Variants in PCDHGA2 observed in about 807,000 individuals in gnomAD.
PCDHGA2 encodes protocadherin gamma-A2.
PCDHGA2 carries 40 observed loss-of-function variants against 59.2 expected under a neutral mutation model. That is an observed-to-expected ratio of 0.68 (90% confidence interval 0.52 to 0.88). PCDHGA2 has a LOEUF of 0.88. Ranked by LOEUF, PCDHGA2 falls within the 40% of genes least tolerant of loss-of-function variation. The pLI, the probability that PCDHGA2 is intolerant of heterozygous loss-of-function variation, is 0.00. For missense variants in PCDHGA2, 1,226 were observed against 1,204.0 expected, an observed-to-expected ratio of 1.02 and a Z score of -0.27; for synonymous variants, 560 against 526.0, an observed-to-expected ratio of 1.06 and a Z score of -0.89.
In PCDHGA2 at chr5:141,432,654, T is replaced by C. The variant is rs2097525297; in HGVS notation, c.2425-62153T>C. ...GGCGAGGTGCGCACGGCGCGAGCCC[T>C]GCTGGACAGAGACGCGCTCAAGCAG... is the stretch of plus-strand genomic sequence containing the variant. On this transcript the variant is annotated intron_variant, in intron 1 of 3. Transcript: ENST00000394576. This position sits in a 1 kb window ranked among gnomAD's most constrained non-coding sequence, Gnocchi z 6.0. The C allele has an allele frequency of 1.2e-6, 2 of 1,613,816 alleles. No homozygotes were observed. Among genetic ancestry groups the C allele is most frequent in the African/African-American group, 1.3e-5 (1 of 75,034 alleles).
At chr5:141,415,081 C>T in intron 1 of PCDHGA2, 1 of 1,613,522 alleles carries the variant, frequency 6.2e-7, no homozygotes, top group Non-Finnish European at 8.5e-7. Context: ...GGCGCGAGCC[C>T]TGCTGGACAG....
At chr5:141,427,960 G>C (rs759698390) in intron 1 of PCDHGA2, 7 of 1,589,168 alleles carry the variant, frequency 4.4e-6, no homozygotes, top group South Asian at 1.1e-5. Flanking sequence ...AATGTGCCGC[G>C]GGTGCTGTAC....
Position 141,489,119 on chromosome 5 carries a change from C to T in PCDHGA2, c.2425-5688C>T, listed in dbSNP as rs1236074950. The T allele has an allele frequency of 2.0e-5, 13 of 650,240 alleles. No individual in the cohort carries two copies. Among genetic ancestry groups the T allele is most frequent in the African/African-American group, 9.1e-5 (5 of 55,178 alleles). 40.3% of individuals were successfully genotyped at this position (650,240 alleles called of 1,614,324 possible). ...GAACTGCTGCAAGCAGGCAAACCTC[C>T]GAGCAGTTTTTAAGAGGCTGGAAGG... On this transcript the variant is annotated intron_variant, in intron 1 of 3. Coordinates refer to ENST00000394576, the MANE Select transcript of PCDHGA2 (RefSeq NM_018915.4). This position sits in a 1 kb window ranked among gnomAD's most constrained non-coding sequence, Gnocchi z 4.5.
At chr5:141,343,317 G>A in intron 1 of PCDHGA2, 1 of 978,166 alleles carries the variant, frequency 1.0e-6, no homozygotes, top group Non-Finnish European at 1.2e-6. Context: ...ATTTCTGTGT[G>A]TTTCTTTTCT....
intron 1 of PCDHGA2, chr5:141,360,088 C>G (rs1443293202): frequency 6.7e-7 from 1 of 1,503,738 alleles, no homozygotes; most frequent in Non-Finnish European, 8.9e-7. Context: ...CTGCCATCCC[C>G]GGAAGGCTTA....
In PCDHGA2 at chr5:141,384,908, A is replaced by C. The variant is rs868472813; in HGVS notation, c.2424+43513A>C. 24 of 1,613,860 alleles carry C rather than the reference A, an allele frequency of 1.5e-5. 1 individual carries two copies. The highest frequency in any genetic ancestry group is 9.9e-5 in the South Asian group (9 of 91,086). ...GTGGCTGTGGCTGACAGCATCCCCG[A>C]AGTCTTGGCCGACCTGGGCAGCCTT... On this transcript the variant is annotated intron_variant, in intron 1 of 3. Coordinates refer to ENST00000394576, the MANE Select transcript of PCDHGA2 (RefSeq NM_018915.4).
chr5:141,478,336 C>T, intron 1 of PCDHGA2: 2 of 1,613,950 alleles, frequency 1.2e-6, no homozygotes, highest in South Asian at 2.2e-5. Context: ...CACCAGGGCC[C>T]TCCTTGCACG....
intron 1 of PCDHGA2, among the ~76,000 whole-genome samples, chr5:141,488,394 A>C (rs2099674951): frequency 1.3e-5 from 2 of 152,232 alleles, no homozygotes. Flanking sequence ...TGGTGAAACC[A>C]TGAAACCTAG....
At chr5:141,433,849 A>AC (rs1304649814) in intron 1 of PCDHGA2, among the ~76,000 whole-genome samples, 10 of 152,030 alleles carry the variant, frequency 6.6e-5, no homozygotes, top group Admixed American at 1.3e-4. Flanking sequence ...AAAAAAAAAA[A>AC]AAAAAACTTT....
intron 1 of PCDHGA2, among the ~76,000 whole-genome samples, chr5:141,481,049 C>A (rs1165894624): frequency 1.3e-5 from 2 of 152,096 alleles, no homozygotes; most frequent in Non-Finnish European, 2.9e-5. Context: ...CAGAGCGAGA[C>A]TCCACCTCAA....
chr5:141,430,017 CTTG>C (rs1203011013), intron 1 of PCDHGA2, among the ~76,000 whole-genome samples: 6 of 152,096 alleles, frequency 3.9e-5, no homozygotes, highest in African/African-American at 1.2e-4. Context: ...CACTTGGGTT[CTTG>C]TTAAGTGTGA....
At chr5:141,464,228 G>A (rs1196103285) in intron 1 of PCDHGA2, among the ~76,000 whole-genome samples, 1 of 148,156 alleles carries the variant, frequency 6.7e-6, no homozygotes, top group African/African-American at 2.5e-5. Context: ...TTGCGCCACT[G>A]CACTCCAGCC....
At chr5:141,473,801 T>C (rs1593456345) in intron 1 of PCDHGA2, among the ~76,000 whole-genome samples, 1 of 152,226 alleles carries the variant, frequency 6.6e-6, no homozygotes, top group East Asian at 1.9e-4. Flanking sequence ...ATGATGCTAC[T>C]GAGGAGCAGC....
chr5:141,359,669 G>A (rs1417596414), intron 1 of PCDHGA2, among the ~76,000 whole-genome samples: 1 of 151,966 alleles, frequency 6.6e-6, no homozygotes, highest in Non-Finnish European at 1.5e-5. Flanking sequence ...ATAAAAATCC[G>A]TTGCCCTATA....
chr5:141,344,038 C>T lies in PCDHGA2; in HGVS notation c.2424+2643C>T, dbSNP rs1757352434. On this transcript the variant is annotated intron_variant, in intron 1 of 3. Coordinates refer to ENST00000394576, the MANE Select transcript of PCDHGA2 (RefSeq NM_018915.4). ...AAGCGATTCACCGAAAAGGAAATGACCAATTGCCTGAGTTTCCGAAATGGC... is the reference window on the plus strand; with the variant it reads ...AAGCGATTCACCGAAAAGGAAATGATCAATTGCCTGAGTTTCCGAAATGGC... 3.9e-6 allele frequency: 6 copies of T among 1,549,962 alleles called. No individual in the cohort carries two copies. In the East Asian group the frequency reaches 1.4e-4, roughly 35 times the overall value.
At position 141,486,579 on chromosome 5, in the gene PCDHGA2, G is replaced by A. The variant is rs747583158; in HGVS notation, c.2425-8228G>A. On this transcript the variant is annotated intron_variant, in intron 1 of 3. Coordinates refer to ENST00000394576, the MANE Select transcript of PCDHGA2 (RefSeq NM_018915.4). The surrounding 1 kb of genome is among the most constrained non-coding windows in gnomAD (Gnocchi z 5.0). ...GAGGTGTTTGTTCCTGAGAACAATC[G>A]CCCAGGGGACCTGCTTTGCTCCCTT... is the stretch of plus-strand genomic sequence containing the variant. The A allele has an allele frequency of 5.1e-5, 82 of 1,613,426 alleles. No homozygotes were observed. Among genetic ancestry groups the A allele is most frequent in the South Asian group, 2.2e-4 (20 of 91,084 alleles).
intron 1 of PCDHGA2, among the ~76,000 whole-genome samples, chr5:141,466,358 A>G (rs1210013683): frequency 6.6e-6 from 1 of 152,066 alleles, no homozygotes; most frequent in Admixed American, 6.5e-5. Flanking sequence ...GCTAATCTAG[A>G]TGTAATGGTT....
At chr5:141,344,076 C>T in intron 1 of PCDHGA2, 1 of 1,609,758 alleles carries the variant, frequency 6.2e-7, no homozygotes, top group Non-Finnish European at 8.5e-7. Context: ...AGGACTGGCC[C>T]TGCTGTGCGC....
intron 1 of PCDHGA2, chr5:141,346,407 C>T (rs2149740719): frequency 6.2e-7 from 1 of 1,614,270 alleles, no homozygotes; most frequent in Non-Finnish European, 8.5e-7. Context: ...CGAGCCTCTT[C>T]TGATAACTCA....
Sources: allele counts gnomAD v4.1 joint callset (sites outside exome capture counted in the v4.1 genomes callset), GRCh38; gene constraint gnomAD v4.1.1; non-coding constraint Gnocchi (gnomAD v3.1); transcripts MANE v1.5; gene names NCBI Gene and HGNC (gene_info 2026-07-23, HGNC 2026-07-21).